GANC: variants seen among roughly 807,000 people sequenced by gnomAD.
GANC encodes the protein neutral alpha-glucosidase C.
In GANC, 117 loss-of-function variants were observed where a neutral mutation model predicts 124.2. The observed-to-expected ratio is 0.94, with a 90% CI of 0.81 to 1.10. The LOEUF (loss-of-function observed/expected upper bound fraction) is 1.10, where lower values mean the gene tolerates loss of function less well. GANC is among the 50% of genes least tolerant of loss of function. GANC has a pLI of 0.00. For synonymous variants in GANC, 377 were observed against 376.8 expected, an observed-to-expected ratio of 1.00 and a Z score of -0.01; for missense variants, 1,140 against 1,095.0, an observed-to-expected ratio of 1.04 and a Z score of -0.58.
intron 5 of GANC, among the ~76,000 whole-genome samples, chr15:42,294,914 A>G (rs543552279): frequency 1.3e-5 from 2 of 149,560 alleles, no homozygotes; most frequent in South Asian, 2.1e-4. Flanking sequence ...ATACAAGTAT[A>G]TTTATAGTAT....
At position 42,327,457 on chromosome 15, in the gene GANC, C is replaced by T. The variant is rs200090109; in HGVS notation, c.1500+15C>T. Reference sequence around the variant, plus strand: ...CTGTTTATCAGGTTGGTTTTTATTCCTTTGTTCTTTTCTAGTTACCTGAAA... The same window carrying T: ...CTGTTTATCAGGTTGGTTTTTATTCTTTTGTTCTTTTCTAGTTACCTGAAA... On this transcript the variant is annotated intron_variant, in intron 13 of 23. Coordinates refer to ENST00000318010, the MANE Select transcript of GANC (RefSeq NM_198141.3). 13 of 1,581,510 alleles carry T rather than the reference C, an allele frequency of 8.2e-6. No individual in the cohort carries two copies. Among genetic ancestry groups the T allele is most frequent in the East Asian group, 2.2e-5 (1 of 44,660 alleles).
At position 42,352,259 on chromosome 15, in the gene GANC, C is replaced by A. The variant is rs1426284662; in HGVS notation, c.*120C>A. The A allele has an allele frequency of 4.0e-5, 60 of 1,491,764 alleles. 1 individual carries two copies. The highest frequency in any genetic ancestry group is 3.2e-5 in the Non-Finnish European group (36 of 1,120,356). 92.4% of individuals were successfully genotyped at this position (1,491,764 alleles called of 1,614,324 possible). The stretch of plus-strand genomic sequence containing the variant: ...CCTTCCCTGAATCAAAATAATCTTT[C>A]ATTCGTCACCATTATACTAATGAAC... On this transcript the variant is annotated 3_prime_UTR_variant, in exon 24 of 24. Coordinates refer to ENST00000318010, the MANE Select transcript of GANC (RefSeq NM_198141.3).
At chr15:42,317,398 G>A (rs1235717713) in intron 10 of GANC, among the ~76,000 whole-genome samples, 1 of 152,204 alleles carries the variant, frequency 6.6e-6, no homozygotes, top group African/African-American at 2.4e-5. Flanking sequence ...GCTGAGAGGT[G>A]TGAGTGTTAG....
chr15:42,310,524 A>T, intron 9 of GANC, 61 bp downstream of exon 9: 1 of 1,501,534 alleles, frequency 6.7e-7, no homozygotes, highest in South Asian at 1.3e-5. Flanking sequence ...ACTGCAGTGG[A>T]GTTATAGCTC....
intron 11 of GANC, among the ~76,000 whole-genome samples, chr15:42,324,006 T>G (rs1253540441): frequency 1.3e-5 from 2 of 152,142 alleles, no homozygotes; most frequent in African/African-American, 4.8e-5. Context: ...TAAACTGCTT[T>G]GTATGCATTT....
chr15:42,287,649 T>C (rs1003974743), intron 3 of GANC, 42 bp from the exon 4 acceptor site: 1 of 1,585,652 alleles, frequency 6.3e-7, no homozygotes, highest in Non-Finnish European at 8.5e-7. Flanking sequence ...TGGCCATCAC[T>C]TGGGTAACCT....
chr15:42,318,117 C>T (rs761295238), intron 10 of GANC, among the ~76,000 whole-genome samples: 1 of 152,202 alleles, frequency 6.6e-6, no homozygotes, highest in Non-Finnish European at 1.5e-5. Context: ...CTTCATCTTC[C>T]TCCTCCCATC....
At chr15:42,317,585 ATAATG>A (rs2052118776) in intron 10 of GANC, among the ~76,000 whole-genome samples, 1 of 152,270 alleles carries the variant, frequency 6.6e-6, no homozygotes, top group African/African-American at 2.4e-5. Context: ...TTAAGAATCA[ATAATG>A]TAATATGCCA....
At chr15:42,321,465 C>T (rs1330376305) in intron 10 of GANC, among the ~76,000 whole-genome samples, 1 of 152,210 alleles carries the variant, frequency 6.6e-6, no homozygotes, top group Non-Finnish European at 1.5e-5. Flanking sequence ...AAGGTCCAAA[C>T]CAGGTTTTAT....
At position 42,353,402 on chromosome 15, in the gene GANC, C is replaced by A. The variant is rs2052476670; in HGVS notation, c.*1263C>A. The A allele has an allele frequency of 3.1e-6, 3 of 973,342 alleles. No individual in the cohort carries two copies. The highest frequency in any genetic ancestry group is 3.7e-6 in the Non-Finnish European group (3 of 818,628). 60.3% of individuals were successfully genotyped at this position (973,342 alleles called of 1,614,324 possible). On this transcript the variant is annotated 3_prime_UTR_variant, in exon 24 of 24. Coordinates refer to ENST00000318010, the MANE Select transcript of GANC (RefSeq NM_198141.3). ...CATGAAGCCTAACTGCGTGAACACC[C>A]CTACCCCCATACCCATTAGCAGTGA... is the stretch of plus-strand genomic sequence containing the variant.
intron 18 of GANC, 128 bp downstream of exon 18, chr15:42,340,882 C>A: frequency 1.4e-6 from 1 of 693,570 alleles, no homozygotes; most frequent in Non-Finnish European, 2.4e-6. Context: ...TTGTCTGCCT[C>A]AGCCTCCTGA....
intron 8 of GANC, among the ~76,000 whole-genome samples, chr15:42,309,923 G>T (rs1339606921): frequency 1.3e-5 from 2 of 152,166 alleles, no homozygotes; most frequent in Non-Finnish European, 1.5e-5. Context: ...GGGAGGCTGA[G>T]GTGGGAGAAC....
At position 42,273,937 on chromosome 15, in the gene GANC, C is replaced by T. The variant is rs1188589250; in HGVS notation, c.-545C>T. 1 of 195,950 alleles carries T rather than the reference C, an allele frequency of 5.1e-6. No homozygotes were observed. 12.1% of individuals were successfully genotyped at this position (195,950 alleles called of 1,614,324 possible). On this transcript the variant is annotated 5_prime_UTR_variant, in exon 1 of 24. Transcript: ENST00000318010. ...GTGTAACAACCTTCAAAGGCCCCTT[C>T]TAGCCCTGAAGAGTACGATGCTGCA...
rs2052314749 is a variant in GANC, at chr15:42,339,728, G to GATGGAGC, written c.1903_1904insATGGAGC (p.Ala635AspfsTer72). ...AGAGCTGCTAGTGCGTTGGTACCAG[G>GATGGAGC]CTGGAGCCTACCAGCCCTTCTTCCG... On this transcript the variant is annotated frameshift_variant, in exon 17 of 24. Coordinates refer to ENST00000318010, the MANE Select transcript of GANC (RefSeq NM_198141.3). LOFTEE classifies it high-confidence loss of function. The GATGGAGC allele has an allele frequency of 6.2e-7, 1 of 1,614,074 alleles. No homozygotes were observed.
chr15:42,349,470 T>C lies in GANC; in HGVS notation c.2506T>C (p.Phe836Leu), dbSNP rs2052402287. The C allele has an allele frequency of 1.9e-6, 3 of 1,610,876 alleles. No individual in the cohort carries two copies. Among genetic ancestry groups the C allele is most frequent in the African/African-American group, 1.3e-5 (1 of 74,866 alleles). ...QKQFLHRKFS[F>L]CSSVLINSFA... The stretch of plus-strand genomic sequence containing the variant: ...GCAATTTTTGCACAGGAAGTTTTCA[T>C]TCTGTTCCAGTGTTCTGATCAATAG... The change falls in exon 22 of 24, where the codon TTC becomes CTC. Residue 836 changes from phenylalanine to leucine, a missense_variant. Transcript: ENST00000318010.
chr15:42,273,682 G>A lies in GANC; in HGVS notation c.-800G>A. 4.6e-6 allele frequency: 2 copies of A among 438,684 alleles called. No homozygotes were observed. Among genetic ancestry groups the A allele is most frequent in the South Asian group, 5.6e-5 (2 of 35,942 alleles). 27.2% of individuals were successfully genotyped at this position (438,684 alleles called of 1,614,324 possible). A position where few individuals can be genotyped will look rare whatever the true frequency, so the allele number is the denominator to read the frequency against. On this transcript the variant is annotated 5_prime_UTR_variant, in exon 1 of 24. Coordinates refer to ENST00000318010, the MANE Select transcript of GANC (RefSeq NM_198141.3). ...CTTTTCTGTCTCCCAGCCGTTAAAG[G>A]TTTTAGGACCAGGCAGGCACCCCGT...
intron 3 of GANC, chr15:42,284,184 T>A: frequency 3.3e-6 from 2 of 599,428 alleles, no homozygotes; most frequent in Non-Finnish European, 5.9e-6. Flanking sequence ...ATTTTCCTAC[T>A]TAACACCCAC....
At chr15:42,283,312 A>C (rs1048875036) in intron 3 of GANC, among the ~76,000 whole-genome samples, 1 of 152,230 alleles carries the variant, frequency 6.6e-6, no homozygotes, top group African/African-American at 2.4e-5. Context: ...TTTAGTAAAG[A>C]AGTTTCCAGA....
Position 42,351,373 on chromosome 15 carries a change from A to T in GANC, c.2576A>T (p.Glu859Val). The change falls in exon 23 of 24, where the codon GAG becomes GTG. Residue 859 changes from glutamate (E) to valine (V), a missense_variant. Physicochemically the swap from Glu to Val is moderately radical, Grantham distance 121. Coordinates refer to ENST00000318010, the MANE Select transcript of GANC (RefSeq NM_198141.3). ...RGHYPSKCVV[E>V]KILVLGFRKE... ...CATTATCCCAGCAAGTGTGTGGTGG[A>T]GAAGATCTTGGTCTTAGGCTTCAGG... is the stretch of plus-strand genomic sequence containing the variant. 6.2e-7 allele frequency: 1 copy of T among 1,614,062 alleles called. No individual in the cohort carries two copies. Among genetic ancestry groups the T allele is most frequent in the Non-Finnish European group, 8.5e-7 (1 of 1,179,972 alleles).
Sources: allele counts gnomAD v4.1 joint callset (sites outside exome capture counted in the v4.1 genomes callset), GRCh38; gene constraint gnomAD v4.1.1; transcripts MANE v1.5; gene names NCBI Gene and HGNC (gene_info 2026-07-23, HGNC 2026-07-21).